Variants in SGCG observed in about 807,000 individuals in gnomAD.
SGCG encodes gamma-sarcoglycan.
A neutral mutation model predicts 29.3 loss-of-function variants in SGCG; 26 were observed. That is an observed-to-expected ratio of 0.89 (90% CI 0.65 to 1.23). SGCG has a LOEUF of 1.23. Among genes scored for constraint, SGCG ranks in the 50% most tolerant of loss-of-function variants. SGCG has a pLI of 0.00. For missense variants in SGCG, 353 were observed against 356.0 expected (o/e 0.99, Z 0.07); for synonymous variants, 145 against 129.7 (o/e 1.12, Z -0.80).
upstream of SGCG, among the ~76,000 whole-genome samples, chr13:23,177,524 GT>G (rs907290419): frequency 5.9e-5 from 8 of 135,734 alleles, no homozygotes; most frequent in South Asian, 2.4e-4. Context: ...ATATGTGTCC[GT>G]TTTTTTTTAA....
At chr13:23,253,083 T>C (rs76895547) in intron 4 of SGCG, among the ~76,000 whole-genome samples, 3,350 of 151,756 alleles carry the variant, frequency 0.022, 125 homozygotes, top group African/African-American at 0.075. Flanking sequence ...TTTTGTTTAG[T>C]TTTTCTTTTT....
intron 1 of SGCG, among the ~76,000 whole-genome samples, chr13:23,192,290 TCTC>T (rs1167433839): frequency 6.6e-6 from 1 of 152,206 alleles, no homozygotes; most frequent in Non-Finnish European, 1.5e-5. Context: ...TCTATCATTT[TCTC>T]CTTCATTCGA....
At chr13:23,204,192 T>C (rs1877889648) in intron 2 of SGCG, among the ~76,000 whole-genome samples, 1 of 152,224 alleles carries the variant, frequency 6.6e-6, no homozygotes, top group African/African-American at 2.4e-5. Context: ...GATTATTTGC[T>C]GATTATTTAA....
intron 3 of SGCG, chr13:23,245,790 T>C (rs766305070): frequency 6.6e-6 from 1 of 152,230 alleles, no homozygotes; most frequent in Non-Finnish European, 1.5e-5. Flanking sequence ...AGAGCTCCCA[T>C]TCAATGTTCC....
At chr13:23,221,559 G>A (rs1245642818) in intron 2 of SGCG, among the ~76,000 whole-genome samples, 2 of 152,194 alleles carry the variant, frequency 1.3e-5, no homozygotes, top group African/African-American at 4.8e-5. Flanking sequence ...TGATGTATAA[G>A]GCACAGTGCT....
upstream of SGCG, among the ~76,000 whole-genome samples, chr13:23,176,910 C>T (rs1346640846): frequency 6.6e-6 from 1 of 152,122 alleles, no homozygotes; most frequent in Admixed American, 6.5e-5. Context: ...GTCAAAGAAA[C>T]ATCTGCATCC....
chr13:23,250,864 C>G (rs113882306), intron 4 of SGCG, 147 bp downstream of exon 4: 1 of 703,248 alleles, frequency 1.4e-6, no homozygotes, highest in East Asian at 2.7e-5. Context: ...TGACCACAGA[C>G]TAGCACCACA....
chr13:23,286,215 C>T (rs987725833), intron 5 of SGCG, among the ~76,000 whole-genome samples: 1 of 152,204 alleles, frequency 6.6e-6, no homozygotes, highest in Non-Finnish European at 1.5e-5. Flanking sequence ...GGTCTCTCAC[C>T]ATTACAGGAC....
At chr13:23,278,212 G>A (rs901948407) in intron 4 of SGCG, among the ~76,000 whole-genome samples, 16 of 152,034 alleles carry the variant, frequency 1.1e-4, no homozygotes, top group African/African-American at 3.9e-4. Context: ...GGGAGGCCAA[G>A]GCTGGCGGAT....
intron 6 of SGCG, among the ~76,000 whole-genome samples, chr13:23,319,070 C>T (rs1391766876): frequency 1.3e-5 from 2 of 152,132 alleles, no homozygotes; most frequent in African/African-American, 2.4e-5. Flanking sequence ...GAGGCCAAGG[C>T]GGGTGGATCC....
intron 3 of SGCG, among the ~76,000 whole-genome samples, chr13:23,235,389 AG>A (rs1291908532): frequency 5.9e-5 from 9 of 151,990 alleles, no homozygotes; most frequent in Admixed American, 4.6e-4. Context: ...AAAAAAAAAA[AG>A]AAAGAAATTT....
chr13:23,239,590 A>G (rs1429137465), intron 3 of SGCG, among the ~76,000 whole-genome samples: 1 of 152,224 alleles, frequency 6.6e-6, no homozygotes, highest in Non-Finnish European at 1.5e-5. Context: ...AAATAATTTT[A>G]AAAAATGTTA....
rs181201900 is a variant in SGCG at position 23,288,000 on chromosome 13, G to A, written c.506-7415G>A. ...GATCTCTTGACCTCGTGATCTGCCCGCCTCAGCCTCCTAAAGTGCTGGGAT... is the reference window on the plus strand; with the variant it reads ...GATCTCTTGACCTCGTGATCTGCCCACCTCAGCCTCCTAAAGTGCTGGGAT... On this transcript the variant is annotated intron_variant, in intron 5 of 7. Coordinates refer to ENST00000218867, the MANE Select transcript of SGCG (RefSeq NM_000231.3). Among the ~76,000 whole-genome samples the A allele has an allele frequency of 2.4e-3, 368 of 152,264 alleles. 3 individuals are homozygous for A. The highest frequency in any genetic ancestry group is 8.2e-3 in the African/African-American group (340 of 41,548).
At chr13:23,248,061 GC>G (rs1376775359) in intron 3 of SGCG, among the ~76,000 whole-genome samples, 1 of 150,376 alleles carries the variant, frequency 6.6e-6, no homozygotes, top group Non-Finnish European at 1.5e-5. Flanking sequence ...GATCACTTGA[GC>G]CCAGGAGTTT....
chr13:23,322,291 G>A (rs1402313837), intron 7 of SGCG, among the ~76,000 whole-genome samples: 1 of 152,218 alleles, frequency 6.6e-6, no homozygotes, highest in Non-Finnish European at 1.5e-5. Flanking sequence ...CCATGGAACA[G>A]GACATAGGGT....
the SGCG span, among the ~76,000 whole-genome samples, chr13:23,161,142 G>A: frequency 6.6e-6 from 1 of 152,198 alleles, no homozygotes; most frequent in African/African-American, 2.4e-5. Flanking sequence ...GGGAACTGAA[G>A]CGCAGCAGCG....
At chr13:23,249,609 GTACATGGTAAAATT>G in intron 3 of SGCG, among the ~76,000 whole-genome samples, 1 of 152,076 alleles carries the variant, frequency 6.6e-6, no homozygotes, top group African/African-American at 2.4e-5. Context: ...AAGGAAAAAC[GTACATGGTAAAATT>G]GATTTTTTTT....
chr13:23,250,856 A>T (rs559103466), intron 4 of SGCG, 139 bp downstream of exon 4: 1 of 711,030 alleles, frequency 1.4e-6, no homozygotes, highest in African/African-American at 1.7e-5. Flanking sequence ...TGCTGTGTTG[A>T]CCACAGACTA....
chr13:23,254,878 G>C (rs1435255586), intron 4 of SGCG, among the ~76,000 whole-genome samples: 1 of 152,210 alleles, frequency 6.6e-6, no homozygotes, highest in Non-Finnish European at 1.5e-5. Context: ...AGCCTTGGTA[G>C]CTTCCACATG....
Sources: allele counts gnomAD v4.1 joint callset (sites outside exome capture counted in the v4.1 genomes callset), GRCh38; gene constraint gnomAD v4.1.1; transcripts MANE v1.5; gene names NCBI Gene and HGNC (gene_info 2026-07-23, HGNC 2026-07-21).